Variants in PDE6C observed in about 807,000 individuals in gnomAD.
The protein encoded by PDE6C is cone cGMP-specific 3',5'-cyclic phosphodiesterase subunit alpha'.
A neutral mutation model predicts 113.1 loss-of-function variants in PDE6C; 75 were observed. The ratio of observed to expected loss-of-function variants is 0.66; its 90% confidence interval spans 0.55 to 0.80. The LOEUF (loss-of-function observed/expected upper bound fraction) is 0.80. Ranked by LOEUF, PDE6C falls within the 30% of genes least tolerant of loss-of-function variation. The pLI, the probability that PDE6C is intolerant of heterozygous loss-of-function variation, is 0.00. For synonymous variants in PDE6C, 375 were observed against 363.7 expected (o/e 1.03, Z -0.35); for missense variants, 912 against 1,038.6 (o/e 0.88, Z 1.67).
chr10:93,640,311 T>A, intron 12 of PDE6C, 95 bp downstream of exon 12: 2 of 1,350,792 alleles, frequency 1.5e-6, no homozygotes, highest in Non-Finnish European at 2.1e-6. Context: ...GTTTGAATTT[T>A]AAATTATTAT....
intron 21 of PDE6C, among the ~76,000 whole-genome samples, chr10:93,664,903 C>T (rs2058682876): frequency 6.6e-6 from 1 of 152,218 alleles, no homozygotes; most frequent in African/African-American, 2.4e-5. Context: ...CTCACTCACT[C>T]TGTCGCCCAG....
chr10:93,641,239 C>T (rs1423103984), intron 14 of PDE6C, among the ~76,000 whole-genome samples: 2 of 152,152 alleles, frequency 1.3e-5, no homozygotes, highest in Admixed American at 6.5e-5. Flanking sequence ...CCTTTCCTTT[C>T]TGTTTTCATT....
intron 1 of PDE6C, among the ~76,000 whole-genome samples, chr10:93,617,882 T>C (rs555712001): frequency 6.6e-6 from 1 of 152,224 alleles, no homozygotes; most frequent in African/African-American, 2.4e-5. Flanking sequence ...GGTGATGTGA[T>C]CTGCATGGAT....
At chr10:93,614,478 A>AAC (rs1200446697) in intron 1 of PDE6C, among the ~76,000 whole-genome samples, 5 of 152,318 alleles carry the variant, frequency 3.3e-5, no homozygotes, top group Admixed American at 2.6e-4. Flanking sequence ...AAGTGTCTAA[A>AAC]TGGATGCTCA....
Position 93,657,465 on chromosome 10 carries a change from T to C in PDE6C, c.2037-1436T>C, listed in dbSNP as rs1166494451. Among the ~76,000 whole-genome samples the C allele has an allele frequency of 3.3e-5, 5 of 151,160 alleles. No homozygotes were observed. In the East Asian group the frequency reaches 9.8e-4, roughly 30 times the overall value. On this transcript the variant is annotated intron_variant, in intron 16 of 21. Transcript: ENST00000371447. ...TCCCAAAATGCTGGGATTAGAGGCG[T>C]GAGCCACCTCGCCCAACCTGTTGTG... is the stretch of plus-strand genomic sequence containing the variant.
chr10:93,633,402 G>T (rs1463354186), intron 8 of PDE6C, among the ~76,000 whole-genome samples: 1 of 149,334 alleles, frequency 6.7e-6, no homozygotes, highest in Admixed American at 6.8e-5. Context: ...GGAGGCAGAG[G>T]TTGCAGTGAG....
At chr10:93,622,525 A>G (rs2058451556) in intron 4 of PDE6C, among the ~76,000 whole-genome samples, 1 of 151,944 alleles carries the variant, frequency 6.6e-6, no homozygotes, top group Admixed American at 6.6e-5. Flanking sequence ...CAAATGTGTA[A>G]TGTCATATAT....
intron 9 of PDE6C, 28 bp from the exon 10 acceptor site, chr10:93,635,468 GA>G: frequency 6.3e-7 from 1 of 1,599,894 alleles, no homozygotes; most frequent in Non-Finnish European, 8.6e-7. Flanking sequence ...TCACTGAAGA[GA>G]ATTAGAATCA....
chr10:93,630,381 C>T (rs948479221), intron 8 of PDE6C, among the ~76,000 whole-genome samples: 10 of 149,506 alleles, frequency 6.7e-5, no homozygotes, highest in Non-Finnish European at 1.0e-4. Flanking sequence ...TCTTCACCAC[C>T]CCCTCCCCAA....
intron 8 of PDE6C, among the ~76,000 whole-genome samples, chr10:93,633,718 T>C (rs1039307285): frequency 5.3e-5 from 8 of 152,158 alleles, no homozygotes; most frequent in African/African-American, 1.9e-4. Flanking sequence ...ACTATCTTCA[T>C]GGATCAGTCA....
At chr10:93,629,728 G>A (rs753559784) in intron 8 of PDE6C, among the ~76,000 whole-genome samples, 2 of 152,132 alleles carry the variant, frequency 1.3e-5, no homozygotes, top group Non-Finnish European at 2.9e-5. Flanking sequence ...TCTCACATGC[G>A]CAGTTCACAA....
At chr10:93,636,065 A>G (rs2134607568) in intron 10 of PDE6C, among the ~76,000 whole-genome samples, 1 of 152,258 alleles carries the variant, frequency 6.6e-6, no homozygotes, top group South Asian at 2.1e-4. Context: ...GCTCCAAGCT[A>G]TGAATTTGGT....
intron 7 of PDE6C, among the ~76,000 whole-genome samples, chr10:93,627,258 C>CAAGAAAAAAAAAAAAA (rs71031524): frequency 3.8e-5 from 2 of 52,580 alleles, no homozygotes; most frequent in African/African-American, 1.3e-4. Context: ...TGAAACTCCA[C>CAAGAAAAAAAAAAAAA]AAAAAAAAAA....
intron 1 of PDE6C, among the ~76,000 whole-genome samples, chr10:93,614,774 G>A (rs982725434): frequency 2.0e-5 from 3 of 152,176 alleles, no homozygotes; most frequent in East Asian, 1.9e-4. Context: ...GCTGTCCATG[G>A]TGAGCATCAC....
intron 10 of PDE6C, 110 bp downstream of exon 10, chr10:93,635,750 TGA>T (rs745901100): frequency 3.7e-4 from 425 of 1,146,352 alleles, no homozygotes; most frequent in Non-Finnish European, 4.2e-4. Flanking sequence ...ACTCCTGGGC[TGA>T]GAGAGAGAGA....
chr10:93,646,104 C>T (rs759679755), intron 15 of PDE6C, 57 bp downstream of exon 15: 50 of 1,009,694 alleles, frequency 5.0e-5, no homozygotes, highest in Non-Finnish European at 7.6e-5. Context: ...AAGCACTAAC[C>T]CACAGAAAAT....
Position 93,612,566 on chromosome 10 carries a change from A to G in PDE6C, c.-160A>G, listed in dbSNP as rs577157839. 2.4e-4 allele frequency: 230 copies of G among 950,034 alleles called. 1 individual carries two copies. Among genetic ancestry groups the G allele is most frequent in the Admixed American group, 7.7e-4 (40 of 52,230 alleles). The allele number at this position is 950,034 out of a possible 1,614,324, so 58.9% of individuals were successfully genotyped here. On this transcript the variant is annotated 5_prime_UTR_variant, in exon 1 of 22. Coordinates refer to ENST00000371447, the MANE Select transcript of PDE6C (RefSeq NM_006204.4). ...CATCCCAAGAGTTACAGGCAGTTTGAAAGCTCTGCTTTCTGCTTGACCTTT... is the reference window on the plus strand; with the variant it reads ...CATCCCAAGAGTTACAGGCAGTTTGGAAGCTCTGCTTTCTGCTTGACCTTT...
intron 14 of PDE6C, among the ~76,000 whole-genome samples, chr10:93,641,481 T>C (rs1163419459): frequency 6.6e-6 from 1 of 151,744 alleles, no homozygotes; most frequent in Non-Finnish European, 1.5e-5. Context: ...AGTACAAAAA[T>C]TAGTCGGATG....
chr10:93,660,971 AG>A (rs1423364876), intron 18 of PDE6C, among the ~76,000 whole-genome samples: 2 of 152,130 alleles, frequency 1.3e-5, no homozygotes, highest in African/African-American at 4.8e-5. Context: ...CCCCATTGCC[AG>A]AGGTTTCCAA....
Sources: allele counts gnomAD v4.1 joint callset (sites outside exome capture counted in the v4.1 genomes callset), GRCh38; gene constraint gnomAD v4.1.1; transcripts MANE v1.5; gene names NCBI Gene and HGNC (gene_info 2026-07-23, HGNC 2026-07-21).